Variants in CYP27C1 observed in about 807,000 individuals in gnomAD.
The protein encoded by CYP27C1 is cytochrome P450 27C1.
CYP27C1 carries 29 observed loss-of-function variants against 40.6 expected under a neutral mutation model. The observed-to-expected ratio is 0.71, with a 90% confidence interval of 0.53 to 0.97. The LOEUF (loss-of-function observed/expected upper bound fraction) is 0.97, where lower values mean the gene tolerates loss of function less well. Ranked by LOEUF, CYP27C1 falls within the 50% of genes least tolerant of loss-of-function variation. The pLI is 0.00. For missense variants in CYP27C1, 390 were observed against 485.8 expected, an observed-to-expected ratio of 0.80 and a Z score of 1.85; for synonymous variants, 198 against 186.8, an observed-to-expected ratio of 1.06 and a Z score of -0.49.
intron 3 of CYP27C1, among the ~76,000 whole-genome samples, chr2:127,202,526 T>C (rs960821380): frequency 1.3e-5 from 2 of 152,212 alleles, no homozygotes; most frequent in Admixed American, 1.3e-4. Context: ...TCACATGCGT[T>C]TTTCTGTATG....
At chr2:127,198,765 C>G (rs1410347476) in intron 5 of CYP27C1, among the ~76,000 whole-genome samples, 1 of 152,164 alleles carries the variant, frequency 6.6e-6, no homozygotes, top group Non-Finnish European at 1.5e-5. Flanking sequence ...GTAATAGGCT[C>G]TACCGTGCAG....
chr2:127,201,229 A>G lies in CYP27C1; in HGVS notation c.776T>C (p.Met259Thr). 2.5e-6 allele frequency: 4 copies of G among 1,614,044 alleles called. No homozygotes were observed. The highest frequency in any genetic ancestry group is 3.4e-6 in the Non-Finnish European group (4 of 1,179,970). ...GCCTGCATACATGGAGGTCTTGAAC[A>G]TGCTAAACATGAGCTCCAGGGCCTC... Reference protein sequence around the residue: ...YIEALELMFSMFKTSMYAGAI... With the variant: ...YIEALELMFSTFKTSMYAGAI... Residue 259 changes from methionine to threonine, a missense_variant, in exon 4 of 9, where the codon ATG becomes ACG. Transcript: ENST00000664447. The surrounding 1 kb of genome is among the most constrained non-coding windows in gnomAD (Gnocchi z 6.0).
Position 127,186,479 on chromosome 2 carries a change from G to A in CYP27C1, c.*792C>T, listed in dbSNP as rs1232204234. 6.6e-6 allele frequency: 1 copy of A among 151,770 alleles called. No individual in the cohort carries two copies. The highest frequency in any genetic ancestry group is 1.5e-5 in the Non-Finnish European group (1 of 68,016). 9.4% of individuals were successfully genotyped at this position (151,770 alleles called of 1,614,324 possible). A position where few individuals can be genotyped will look rare whatever the true frequency, so the allele number is the denominator to read the frequency against. Reference sequence around the variant, plus strand: ...GTGGTGCCATCATAGATAGCTCACTGCAGACCCAACCTCCTGAGCTCAAAC... The same window carrying A: ...GTGGTGCCATCATAGATAGCTCACTACAGACCCAACCTCCTGAGCTCAAAC... On this transcript the variant is annotated 3_prime_UTR_variant, in exon 9 of 9. Transcript: ENST00000664447. This position sits in a 1 kb window ranked among gnomAD's most constrained non-coding sequence, Gnocchi z 4.5.
chr2:127,199,607 C>T lies in CYP27C1; in HGVS notation c.884-68G>A, dbSNP rs4254460. The T allele has an allele frequency of 3.1e-3, 4,581 of 1,486,916 alleles. 125 individuals are homozygous for T. In the African/African-American group the frequency reaches 0.056, roughly 18 times the overall value. 92.1% of individuals were successfully genotyped at this position (1,486,916 alleles called of 1,614,324 possible). On this transcript the variant is annotated intron_variant, in intron 4 of 8. Coordinates refer to ENST00000664447, the MANE Select transcript of CYP27C1 (RefSeq NM_001367502.1). ...GAATCATCTTTTCAGTCTCAAAGCC[C>T]TCTGTCCTCCCAGTAGCTTAACTAA... is the stretch of plus-strand genomic sequence containing the variant.
chr2:127,199,331 G>A (rs954384230), intron 5 of CYP27C1, 45 bp downstream of exon 5: 1 of 1,601,734 alleles, frequency 6.2e-7, no homozygotes, highest in Non-Finnish European at 8.5e-7. Context: ...GATGAGGAAG[G>A]GGTTATCGTG....
At chr2:127,187,754 G>A (rs149800667) in intron 8 of CYP27C1, among the ~76,000 whole-genome samples, 3 of 152,316 alleles carry the variant, frequency 2.0e-5, no homozygotes, top group Non-Finnish European at 2.9e-5. Context: ...GGGGAAATGC[G>A]GAACAAAGTG....
In CYP27C1 at chr2:127,193,243, G is replaced by C. The variant is rs566589590; in HGVS notation, c.1348C>G (p.Arg450Gly). The change falls in exon 8 of 9, where the codon CGG becomes GGG. Residue 450 changes from arginine (R) to glycine (G), a missense_variant. By Grantham distance (125) the Arg-to-Gly change is moderately radical. Transcript: ENST00000664447. ...CGCTCAGGCCGGAACTCCTTGGCCC[G>C]AGGGAAGTTCTCATCCTGGTACGAT... ...ATSYQDENFP[R>G]AKEFRPERWL... 3.1e-6 allele frequency: 5 copies of C among 1,614,212 alleles called. No individual in the cohort carries two copies. Among genetic ancestry groups the C allele is most frequent in the Middle Eastern group, 1.6e-4 (1 of 6,062 alleles).
chr2:127,210,555 C>T (rs1479840592), intron 1 of CYP27C1, among the ~76,000 whole-genome samples: 1 of 152,084 alleles, frequency 6.6e-6, no homozygotes, highest in Non-Finnish European at 1.5e-5. Context: ...AGTTAAAAGA[C>T]ACAGACTGGC....
chr2:127,185,820 G>T lies in CYP27C1; in HGVS notation c.*1451C>A, dbSNP rs1168265924. 1 of 152,228 alleles carries T rather than the reference G, an allele frequency of 6.6e-6. No individual in the cohort carries two copies. Among genetic ancestry groups the T allele is most frequent in the African/African-American group, 2.4e-5 (1 of 41,452 alleles). 9.4% of individuals were successfully genotyped at this position (152,228 alleles called of 1,614,324 possible). The stretch of plus-strand genomic sequence containing the variant: ...GGAATTACAGAATTGGGAATAAGCT[G>T]TTTCAGGCATGATGACAAGGCAAGA... On this transcript the variant is annotated 3_prime_UTR_variant, in exon 9 of 9. Transcript: ENST00000664447. This position sits in a 1 kb window ranked among gnomAD's most constrained non-coding sequence, Gnocchi z 4.9.
chr2:127,204,696 T>A (rs577626667), intron 2 of CYP27C1, among the ~76,000 whole-genome samples: 1 of 152,130 alleles, frequency 6.6e-6, no homozygotes, highest in Non-Finnish European at 1.5e-5. Context: ...GTGTGGGGCC[T>A]TGGGGCTCCT....
rs906722775 is a variant in CYP27C1, at chr2:127,201,666, T to C, written c.674-335A>G. 6.6e-6 allele frequency among the ~76,000 whole-genome samples: 1 copy of C among 152,036 alleles called. No individual in the cohort carries two copies. Among genetic ancestry groups the C allele is most frequent in the African/African-American group, 2.4e-5 (1 of 41,394 alleles). On this transcript the variant is annotated intron_variant, in intron 3 of 8. Coordinates refer to ENST00000664447, the MANE Select transcript of CYP27C1 (RefSeq NM_001367502.1). This position sits in a 1 kb window ranked among gnomAD's most constrained non-coding sequence, Gnocchi z 6.0. ...CCCTGGGACAGATCTGGAGCACAGG[T>C]CTGAAATGATGAGCCCTGGGGAGGG...
rs2104694740 is a variant in CYP27C1, at chr2:127,206,292, TTTG to T, written c.283-205_283-203del. The stretch of plus-strand genomic sequence containing the variant: ...AACCATCTCTTTTTTGTTGTTTCCG[TTTG>T]TTTGTTTGTTTGTTTGTTTGTTTGT... On this transcript the variant is annotated intron_variant, in intron 1 of 8. Coordinates refer to ENST00000664447, the MANE Select transcript of CYP27C1 (RefSeq NM_001367502.1). 1.0e-4 allele frequency among the ~76,000 whole-genome samples: 2 copies of T among 19,880 alleles called. 1 individual carries two copies. The highest frequency in any genetic ancestry group is 2.6e-3 in the South Asian group (2 of 764). The allele number at this position is 19,880 out of a possible 152,430, so 13.0% of individuals were successfully genotyped here. A position where few individuals can be genotyped will look rare whatever the true frequency, so the allele number is the denominator to read the frequency against.
chr2:127,202,084 A>ATT (rs35508164), intron 3 of CYP27C1, among the ~76,000 whole-genome samples: 5,833 of 142,602 alleles, frequency 0.041, 126 homozygotes, highest in African/African-American at 0.046. Flanking sequence ...GATGCATTCT[A>ATT]TTTTTTTTTT....
In CYP27C1 at chr2:127,195,446, T is replaced by C. The variant is rs767738253; in HGVS notation, c.1103A>G (p.Gln368Arg). The C allele has an allele frequency of 1.9e-6, 3 of 1,614,106 alleles. No homozygotes were observed. The East Asian group carries it at 6.7e-5, about 36-fold the overall frequency. ...CACAATCTCCCGGTACACCGTCTGC[T>C]GCACTTCTGGGTGCCTTGCCAGGAG... ...VYLLARHPEV[Q>R]QTVYREIVKN... Residue 368 changes from glutamine to arginine, a missense_variant, in exon 6 of 9, where the codon CAG (glutamine) becomes CGG (arginine). By Grantham distance (43) the Gln-to-Arg change is conservative. Transcript: ENST00000664447. The surrounding 1 kb of genome is among the most constrained non-coding windows in gnomAD (Gnocchi z 6.2).
chr2:127,188,407 T>C (rs537967289), intron 8 of CYP27C1, among the ~76,000 whole-genome samples: 1 of 152,316 alleles, frequency 6.6e-6, no homozygotes, highest in Non-Finnish European at 1.5e-5. Context: ...TGGCTAACTT[T>C]TTAATTTTTT....
chr2:127,205,683 GGCTCCT>G lies in CYP27C1; in HGVS notation c.473+211_473+216del, dbSNP rs1683210472. On this transcript the variant is annotated intron_variant, in intron 2 of 8. Transcript: ENST00000664447. The stretch of plus-strand genomic sequence containing the variant: ...CCACGGAGCCAGCGTCGCCCCTCCT[GGCTCCT>G]GACGGGACAACTCTGCACGGAGGAG... 4.1e-6 allele frequency: 4 copies of G among 985,424 alleles called. No homozygotes were observed. The South Asian group carries it at 1.9e-4, about 46-fold the overall frequency. 61.0% of individuals were successfully genotyped at this position (985,424 alleles called of 1,614,324 possible).
At chr2:127,215,518 C>T (rs1041145262) in intron 1 of CYP27C1, among the ~76,000 whole-genome samples, 1 of 151,926 alleles carries the variant, frequency 6.6e-6, no homozygotes, top group Non-Finnish European at 1.5e-5. Flanking sequence ...AGAAAAAAAT[C>T]GATAATAGGA....
At chr2:127,203,252 G>C in intron 3 of CYP27C1, 120 bp downstream of exon 3, 1 of 1,085,914 alleles carries the variant, frequency 9.2e-7, no homozygotes, top group Non-Finnish European at 1.3e-6. Flanking sequence ...GAGGTGACAT[G>C]CATGTATGTC....
chr2:127,205,770 C>T, intron 2 of CYP27C1, 130 bp downstream of exon 2: 3 of 985,372 alleles, frequency 3.0e-6, no homozygotes, highest in South Asian at 9.4e-5. Flanking sequence ...AGGAGACTGT[C>T]TGATATCATT....
Sources: allele counts gnomAD v4.1 joint callset (sites outside exome capture counted in the v4.1 genomes callset), GRCh38; gene constraint gnomAD v4.1.1; non-coding constraint Gnocchi (gnomAD v3.1); transcripts MANE v1.5; gene names NCBI Gene and HGNC (gene_info 2026-07-23, HGNC 2026-07-21).